Variants in TMEM53 observed in about 807,000 individuals in gnomAD.
TMEM53 encodes transmembrane protein 53.
TMEM53 carries 14 observed loss-of-function variants against 21.4 expected under a neutral mutation model. The ratio of observed to expected loss-of-function variants is 0.65; its 90% confidence interval spans 0.43 to 1.02. The LOEUF (loss-of-function observed/expected upper bound fraction) is 1.02. TMEM53 is among the 50% of genes least tolerant of loss of function. The pLI is 0.00. For synonymous variants in TMEM53, 148 were observed against 157.4 expected (o/e 0.94, Z 0.45); for missense variants, 323 against 383.6 (o/e 0.84, Z 1.32).
Position 44,660,914 on chromosome 1 carries a change from C to T in TMEM53, c.62-619G>A, listed in dbSNP as rs1048749802. Reference sequence around the variant, plus strand: ...CATGAACCTGGGAGGCGGAGCTTGCCGTGAGCCGAGATTGAGCCACTGCAC... The same window carrying T: ...CATGAACCTGGGAGGCGGAGCTTGCTGTGAGCCGAGATTGAGCCACTGCAC... On this transcript the variant is annotated intron_variant, in intron 1 of 2. Transcript: ENST00000372237. Among the ~76,000 whole-genome samples, 4 of 149,658 alleles carry T rather than the reference C, an allele frequency of 2.7e-5. No homozygotes were observed. In the East Asian group the frequency reaches 5.9e-4, roughly 22 times the overall value.
rs757991437 is a variant in TMEM53, at chr1:44,660,178, T to C, written c.179A>G (p.Lys60Arg). Reference protein sequence around the residue: ...NLAKYSAIYHKRGCIVIRYTA... With the variant: ...NLAKYSAIYHRRGCIVIRYTA... Reference sequence around the variant, plus strand: ...AGAGGGCACCAGAGTACTCACCCTTTTGTGGTAGATGGCACTGTACTTGGC... The same window carrying C: ...AGAGGGCACCAGAGTACTCACCCTTCTGTGGTAGATGGCACTGTACTTGGC... The change falls in exon 2 of 3, where the codon AAA (lysine) becomes AGA (arginine). Residue 60 changes from lysine (K) to arginine (R), a missense_variant. Lys to Arg is a conservative substitution (Grantham distance 26). Coordinates refer to ENST00000372237, the MANE Select transcript of TMEM53 (RefSeq NM_024587.4). 1.9e-6 allele frequency: 3 copies of C among 1,613,934 alleles called. No homozygotes were observed. The South Asian group carries it at 3.3e-5, about 18-fold the overall frequency.
rs1644820143 is a variant in TMEM53, at chr1:44,653,596, GCTC to G, written c.*960_*962del. 1 of 152,224 alleles carries G rather than the reference GCTC, an allele frequency of 6.6e-6. No homozygotes were observed. The highest frequency in any genetic ancestry group is 6.5e-5 in the Admixed American group (1 of 15,280). 9.4% of individuals were successfully genotyped at this position (152,224 alleles called of 1,614,324 possible). On this transcript the variant is annotated 3_prime_UTR_variant, in exon 3 of 3. Transcript: ENST00000372237. The stretch of plus-strand genomic sequence containing the variant: ...AGAGCCAGGCAGGCCCCTAACCTCA[GCTC>G]CTCATCTGGCTTCTACCTCAGACTC...
intron 1 of TMEM53, among the ~76,000 whole-genome samples, chr1:44,670,438 G>C (rs1200527525): frequency 2.6e-5 from 4 of 152,250 alleles, no homozygotes; most frequent in Admixed American, 6.5e-5. Context: ...TCTGAGATCT[G>C]CATGTTCAAG....
chr1:44,654,507 G>C lies in TMEM53; in HGVS notation c.*52C>G. On this transcript the variant is annotated 3_prime_UTR_variant, in exon 3 of 3. Coordinates refer to ENST00000372237, the MANE Select transcript of TMEM53 (RefSeq NM_024587.4). The surrounding 1 kb of genome is among the most constrained non-coding windows in gnomAD (Gnocchi z 7.0). Reference sequence around the variant, plus strand: ...AGTGCCCGACAGATTGCAGGTTGTGGGGAGGTGTCAGGCATTTATTTCTGG... The same window carrying C: ...AGTGCCCGACAGATTGCAGGTTGTGCGGAGGTGTCAGGCATTTATTTCTGG... 1 of 1,564,236 alleles carries C rather than the reference G, an allele frequency of 6.4e-7. No homozygotes were observed. The highest frequency in any genetic ancestry group is 8.7e-7 in the Non-Finnish European group (1 of 1,150,620).
intron 1 of TMEM53, 140 bp downstream of exon 1, chr1:44,674,190 AG>A (rs1645055562): frequency 7.4e-7 from 1 of 1,355,538 alleles, no homozygotes; most frequent in Non-Finnish European, 9.6e-7. Context: ...AGCCTCTCTA[AG>A]TCTAGGACCT....
chr1:44,666,275 T>C (rs986746081), intron 1 of TMEM53, among the ~76,000 whole-genome samples: 1 of 152,186 alleles, frequency 6.6e-6, no homozygotes, highest in Non-Finnish European at 1.5e-5. Flanking sequence ...ACACTGCTGG[T>C]GGAAATGCAT....
chr1:44,659,684 T>C (rs3850853), intron 2 of TMEM53, among the ~76,000 whole-genome samples: 76,326 of 151,766 alleles, frequency 0.5, 19,644 homozygotes, highest in African/African-American at 0.59. Context: ...GAGCCTGGGC[T>C]GACTCTACAA....
intron 1 of TMEM53, 85 bp downstream of exon 1, chr1:44,674,246 T>A: frequency 2.7e-6 from 4 of 1,506,868 alleles, no homozygotes; most frequent in African/African-American, 1.4e-5. Flanking sequence ...CGGGGCCGCA[T>A]GAGGGGCGGG....
Position 44,654,397 on chromosome 1 carries a change from G to A in TMEM53, c.*162C>T, listed in dbSNP as rs953784644. On this transcript the variant is annotated 3_prime_UTR_variant, in exon 3 of 3. Transcript: ENST00000372237. The surrounding 1 kb of genome is among the most constrained non-coding windows in gnomAD (Gnocchi z 7.0). ...GTGGTAAGCAGACCACCAGCAGACA[G>A]AGGCCCCCAGGAGACAGGCCCATAG... 5.1e-6 allele frequency: 4 copies of A among 782,894 alleles called. No individual in the cohort carries two copies. The African/African-American group carries it at 5.2e-5, about 10-fold the overall frequency. 48.5% of individuals were successfully genotyped at this position (782,894 alleles called of 1,614,324 possible). A position where few individuals can be genotyped will look rare whatever the true frequency, so the allele number is the denominator to read the frequency against.
chr1:44,662,329 G>T (rs979735113), intron 1 of TMEM53, among the ~76,000 whole-genome samples: 4 of 152,208 alleles, frequency 2.6e-5, no homozygotes, highest in Non-Finnish European at 5.9e-5. Flanking sequence ...GCCTCCACAG[G>T]TGCTGGCTCG....
At chr1:44,670,619 G>A (rs938337023) in intron 1 of TMEM53, among the ~76,000 whole-genome samples, 8 of 152,166 alleles carry the variant, frequency 5.3e-5, no homozygotes, top group Non-Finnish European at 8.8e-5. Context: ...CTGGGTGTCC[G>A]AGACAACTTC....
intron 2 of TMEM53, among the ~76,000 whole-genome samples, chr1:44,656,353 A>G (rs41524944): frequency 0.016 from 2,404 of 152,314 alleles, 81 homozygotes; most frequent in Admixed American, 0.066. Flanking sequence ...AGCAGCAGTA[A>G]TTAGTGATGT....
intron 1 of TMEM53, among the ~76,000 whole-genome samples, chr1:44,666,849 TTTTG>T (rs1644953001): frequency 1.3e-5 from 2 of 151,736 alleles, no homozygotes; most frequent in Non-Finnish European, 2.9e-5. Context: ...TACTTTTTTT[TTTTG>T]TTTTGTTTTG....
intron 1 of TMEM53, among the ~76,000 whole-genome samples, chr1:44,669,331 T>A (rs1573233542): frequency 1.3e-5 from 2 of 152,248 alleles, no homozygotes; most frequent in Admixed American, 1.3e-4. Flanking sequence ...AAATCTCCCA[T>A]TATTGGATAT....
chr1:44,664,900 C>T (rs1016644957), intron 1 of TMEM53, among the ~76,000 whole-genome samples: 1 of 152,176 alleles, frequency 6.6e-6, no homozygotes, highest in Non-Finnish European at 1.5e-5. Flanking sequence ...GCAGAGCCAG[C>T]GCCCACTATC....
intron 1 of TMEM53, among the ~76,000 whole-genome samples, chr1:44,667,665 T>C (rs1011415700): frequency 1.3e-5 from 2 of 152,178 alleles, no homozygotes; most frequent in African/African-American, 4.8e-5. Context: ...CAATTATTTA[T>C]GGGATTAGAG....
Position 44,672,458 on chromosome 1 carries a change from A to G in TMEM53, c.61+1873T>C, listed in dbSNP as rs568650095. ...AGTCACTTCTGAGTGGCCAACAACG[A>G]TCCCACAGCCAGGACACAGCAAATA... On this transcript the variant is annotated intron_variant, in intron 1 of 2. Transcript: ENST00000372237. 8.5e-5 allele frequency among the ~76,000 whole-genome samples: 13 copies of G among 152,352 alleles called. No individual in the cohort carries two copies. The South Asian group carries it at 2.7e-3, about 32-fold the overall frequency.
chr1:44,673,210 G>A lies in TMEM53; in HGVS notation c.61+1121C>T, dbSNP rs193085382. On this transcript the variant is annotated intron_variant, in intron 1 of 2. Coordinates refer to ENST00000372237, the MANE Select transcript of TMEM53 (RefSeq NM_024587.4). Reference sequence around the variant, plus strand: ...AAAAACAGCTGGTCTGGGGCCATCTGTTCTGCGGGAGTCTAAGGGCTGCCC... The same window carrying A: ...AAAAACAGCTGGTCTGGGGCCATCTATTCTGCGGGAGTCTAAGGGCTGCCC... 1.2e-3 allele frequency among the ~76,000 whole-genome samples: 179 copies of A among 152,346 alleles called. 1 individual carries two copies. Among genetic ancestry groups the A allele is most frequent in the Admixed American group, 2.8e-3 (43 of 15,312 alleles).
At chr1:44,672,114 C>T (rs917991533) in intron 1 of TMEM53, among the ~76,000 whole-genome samples, 6 of 152,184 alleles carry the variant, frequency 3.9e-5, no homozygotes, top group African/African-American at 1.2e-4. Flanking sequence ...TTCAGGGGAC[C>T]ACAGCGTCGT....
Sources: gnomAD v4.1 joint callset for allele counts (sites outside exome capture counted in the v4.1 genomes callset) on GRCh38, gnomAD v4.1.1 for gene constraint, Gnocchi (gnomAD v3.1) non-coding constraint, MANE v1.5 for transcripts, NCBI Gene and HGNC (gene_info 2026-07-23, HGNC 2026-07-21) for gene names.